The following GABBR2 variants were observed in gnomAD, a reference collection of about 807,000 sequenced individuals.
GABBR2 encodes G-protein coupled receptor 51.
A neutral mutation model predicts 105.6 loss-of-function variants in GABBR2; 23 were observed. The observed-to-expected ratio is 0.22, with a 90% CI of 0.16 to 0.31. GABBR2 has a LOEUF of 0.31. Ranked by LOEUF, GABBR2 falls within the 10% of genes least tolerant of loss-of-function variation. GABBR2 has a pLI of 1.00. For synonymous variants in GABBR2, 478 were observed against 499.7 expected (o/e 0.96, Z 0.58); for missense variants, 734 against 1,245.5 (o/e 0.59, Z 6.18).
intron 3 of GABBR2, among the ~76,000 whole-genome samples, chr9:98,524,319 C>A (rs916909786): frequency 6.6e-6 from 1 of 152,124 alleles, no homozygotes; most frequent in Non-Finnish European, 1.5e-5. Flanking sequence ...ATATTCCTGA[C>A]AACTAAACCT....
chr9:98,651,153 T>G lies in GABBR2; in HGVS notation c.321+57264A>C, dbSNP rs867395162. 2.2e-3 allele frequency among the ~76,000 whole-genome samples: 325 copies of G among 150,880 alleles called. 1 individual carries two copies. Among genetic ancestry groups the G allele is most frequent in the Middle Eastern group, 6.8e-3 (2 of 292 alleles). On this transcript the variant is annotated intron_variant, in intron 1 of 18. Coordinates refer to ENST00000259455, the MANE Select transcript of GABBR2 (RefSeq NM_005458.8). ...TACACACACTGGTTTTTTTTTTTTTTTTTTTTTTTTGAGACAGTGTTACTC... is the reference window on the plus strand; with the variant it reads ...TACACACACTGGTTTTTTTTTTTTTGTTTTTTTTTTGAGACAGTGTTACTC...
intron 7 of GABBR2, among the ~76,000 whole-genome samples, chr9:98,415,850 T>C (rs1746085623): frequency 6.6e-6 from 1 of 152,180 alleles, no homozygotes; most frequent in Admixed American, 6.5e-5. Flanking sequence ...CTCATGCTTC[T>C]AACAACATGC....
At chr9:98,593,783 G>C (rs1180350073) in intron 1 of GABBR2, among the ~76,000 whole-genome samples, 1 of 152,168 alleles carries the variant, frequency 6.6e-6, no homozygotes, top group South Asian at 2.1e-4. Context: ...TGTAGGGTGG[G>C]TCCTCACCCC....
chr9:98,669,348 G>A (rs955568227), intron 1 of GABBR2, among the ~76,000 whole-genome samples: 6 of 152,080 alleles, frequency 3.9e-5, no homozygotes, highest in Non-Finnish European at 7.4e-5. Context: ...ATGGCCATTC[G>A]TTTATCTTCT....
intron 1 of GABBR2, among the ~76,000 whole-genome samples, chr9:98,613,719 T>C (rs1012259278): frequency 6.6e-6 from 1 of 152,080 alleles, no homozygotes; most frequent in Admixed American, 6.5e-5. Context: ...TATTCAAAAG[T>C]GAGAGGAAAA....
At chr9:98,409,955 G>A (rs192526227) in intron 7 of GABBR2, among the ~76,000 whole-genome samples, 39 of 152,230 alleles carry the variant, frequency 2.6e-4, no homozygotes, top group Non-Finnish European at 5.3e-4. Flanking sequence ...ATCAAAGGTC[G>A]CTGGGGCTGG....
chr9:98,415,562 G>C (rs1454180932), intron 7 of GABBR2, among the ~76,000 whole-genome samples: 4 of 152,204 alleles, frequency 2.6e-5, no homozygotes, highest in African/African-American at 9.6e-5. Flanking sequence ...CTGTGCTCAG[G>C]CTTCCCTCGG....
intron 13 of GABBR2, chr9:98,362,429 A>T (rs1831601719): frequency 5.3e-6 from 1 of 189,986 alleles, no homozygotes; most frequent in Non-Finnish European, 1.1e-5. Context: ...GTCATTTCTC[A>T]AGTGATGGAT....
chr9:98,522,377 G>A (rs997783568), intron 3 of GABBR2, among the ~76,000 whole-genome samples: 26 of 151,970 alleles, frequency 1.7e-4, no homozygotes, highest in African/African-American at 5.6e-4. Context: ...CAGATTCTTC[G>A]AATAAAAATG....
rs143359011 is a variant in GABBR2 at position 98,371,800 on chromosome 9, A to C, written c.1663-229T>G. Among the ~76,000 whole-genome samples the C allele has an allele frequency of 3.3e-5, 5 of 152,352 alleles. No homozygotes were observed. In the East Asian group the frequency reaches 9.6e-4, roughly 29 times the overall value. On this transcript the variant is annotated intron_variant, in intron 11 of 18. Transcript: ENST00000259455. ...TAGGCACACAGGAGTGCAATATTCAAACCATGCCTTAGATGGGCCTAGAGA... is the reference window on the plus strand; with the variant it reads ...TAGGCACACAGGAGTGCAATATTCACACCATGCCTTAGATGGGCCTAGAGA...
At position 98,628,958 on chromosome 9, in the gene GABBR2, T is replaced by G. The variant is rs576554371; in HGVS notation, c.322-50886A>C. Among the ~76,000 whole-genome samples, 32 of 152,342 alleles carry G rather than the reference T, an allele frequency of 2.1e-4. 1 individual carries two copies. Among genetic ancestry groups the G allele is most frequent in the African/African-American group, 7.7e-4 (32 of 41,578 alleles). On this transcript the variant is annotated intron_variant, in intron 1 of 18. Coordinates refer to ENST00000259455, the MANE Select transcript of GABBR2 (RefSeq NM_005458.8). ...CTGTGTCCTTTATAGGCCTTGCTTT[T>G]ATCAGAGAAGGGCTTGCCTTCTTGA...
At position 98,288,561 on chromosome 9, in the gene GABBR2, A is replaced by G. The variant is rs568372908; in HGVS notation, c.*2023T>C. 6.6e-6 allele frequency: 1 copy of G among 152,538 alleles called. No individual in the cohort carries two copies. Among genetic ancestry groups the G allele is most frequent in the South Asian group, 2.1e-4 (1 of 4,820 alleles). The allele number at this position is 152,538 out of a possible 1,614,324, so 9.4% of individuals were successfully genotyped here. ...TATTTTTTTTTGTGTGTGTGTATACATTATGTACAATTAATTGTCTCTTTC... is the reference window on the plus strand; with the variant it reads ...TATTTTTTTTTGTGTGTGTGTATACGTTATGTACAATTAATTGTCTCTTTC... On this transcript the variant is annotated 3_prime_UTR_variant, in exon 19 of 19. Transcript: ENST00000259455.
chr9:98,542,975 G>A (rs73488500), intron 2 of GABBR2, among the ~76,000 whole-genome samples: 29,933 of 151,964 alleles, frequency 0.2, 3,081 homozygotes, highest in Non-Finnish European at 0.22. Flanking sequence ...TATATATAGC[G>A]TTCAAACTCA....
rs1377144396 is a variant in GABBR2 at position 98,622,361 on chromosome 9, TCAC to T, written c.322-44292_322-44290del. 3.3e-5 allele frequency among the ~76,000 whole-genome samples: 5 copies of T among 152,174 alleles called. No homozygotes were observed. The East Asian group carries it at 9.7e-4, about 29-fold the overall frequency. On this transcript the variant is annotated intron_variant, in intron 1 of 18. Coordinates refer to ENST00000259455, the MANE Select transcript of GABBR2 (RefSeq NM_005458.8). Reference sequence around the variant, plus strand: ...TGTATTTTTTTGTAGGGATGGGGCGTCACCATGTTGCCCAGGCTGGTCTTGAAC... The same window carrying T: ...TGTATTTTTTTGTAGGGATGGGGCGTCATGTTGCCCAGGCTGGTCTTGAAC...
At chr9:98,675,759 C>T (rs752650338) in intron 1 of GABBR2, among the ~76,000 whole-genome samples, 8 of 152,060 alleles carry the variant, frequency 5.3e-5, no homozygotes, top group East Asian at 1.9e-4. Flanking sequence ...ACTGGATATC[C>T]GCCACCTTTT....
chr9:98,455,083 C>A (rs1826302677), intron 6 of GABBR2, among the ~76,000 whole-genome samples: 1 of 152,184 alleles, frequency 6.6e-6, no homozygotes, highest in Admixed American at 6.5e-5. Flanking sequence ...AGGTGTCAGG[C>A]AGCATCCATC....
chr9:98,346,605 T>C (rs1234855111), intron 13 of GABBR2, among the ~76,000 whole-genome samples: 1 of 152,218 alleles, frequency 6.6e-6, no homozygotes, highest in Non-Finnish European at 1.5e-5. Flanking sequence ...TCTAGCTTTG[T>C]GAAAATATAT....
intron 3 of GABBR2, among the ~76,000 whole-genome samples, chr9:98,519,770 T>TA (rs1827830574): frequency 6.6e-6 from 1 of 152,056 alleles, no homozygotes; most frequent in South Asian, 2.1e-4. Flanking sequence ...TTGCAGGACT[T>TA]ACATGTTTTT....
At chr9:98,489,678 C>T (rs752606777) in intron 4 of GABBR2, among the ~76,000 whole-genome samples, 3 of 152,218 alleles carry the variant, frequency 2.0e-5, no homozygotes, top group South Asian at 4.2e-4. Flanking sequence ...TTTCAGCCCC[C>T]GAGAGAGCCC....
Sources: allele counts gnomAD v4.1 joint callset (sites outside exome capture counted in the v4.1 genomes callset), GRCh38; gene constraint gnomAD v4.1.1; transcripts MANE v1.5; gene names NCBI Gene and HGNC (gene_info 2026-07-23, HGNC 2026-07-21).